The following GRIK4 variants were observed in gnomAD, a reference collection of about 807,000 sequenced individuals.
The protein encoded by GRIK4 is glutamate ionotropic receptor kainate type subunit 4.
A neutral mutation model predicts 104.9 loss-of-function variants in GRIK4; 40 were observed. That is an observed-to-expected ratio of 0.38 (90% CI 0.30 to 0.50). The LOEUF (loss-of-function observed/expected upper bound fraction) is 0.50. Ranked by LOEUF, GRIK4 falls within the 20% of genes least tolerant of loss-of-function variation. The probability of loss-of-function intolerance (pLI) is 0.93; values close to 1 mark genes in which losing one functional copy is unlikely to be tolerated. For synonymous variants in GRIK4, 485 were observed against 524.9 expected (o/e 0.92, Z 1.04); for missense variants, 1,047 against 1,308.1 (o/e 0.80, Z 3.08).
In GRIK4 at chr11:120,906,688, C is replaced by T. The variant is rs1942874007; in HGVS notation, c.1476+1195C>T. Among the ~76,000 whole-genome samples the T allele has an allele frequency of 2.0e-5, 3 of 152,270 alleles. No homozygotes were observed. In the South Asian group the frequency reaches 6.2e-4, roughly 32 times the overall value. On this transcript the variant is annotated intron_variant, in intron 13 of 20. Coordinates refer to ENST00000527524, the MANE Select transcript of GRIK4 (RefSeq NM_014619.5). ...GAGGTATTAAATAAGCAGTCCTTGA[C>T]AAGGGATTGGGAAAAGTCCTATGTA...
At chr11:120,781,744 G>C (rs1003736549) in intron 3 of GRIK4, among the ~76,000 whole-genome samples, 5 of 152,174 alleles carry the variant, frequency 3.3e-5, no homozygotes, top group Admixed American at 6.5e-5. Flanking sequence ...CAGTGCGTGA[G>C]GGTGGTCTCT....
At chr11:120,796,117 G>A (rs1952509117) in intron 3 of GRIK4, among the ~76,000 whole-genome samples, 1 of 149,226 alleles carries the variant, frequency 6.7e-6, no homozygotes, top group African/African-American at 2.5e-5. Flanking sequence ...CTCACTGCAG[G>A]CTCTGCCTCC....
intron 1 of GRIK4, among the ~76,000 whole-genome samples, chr11:120,554,447 C>T (rs1321084999): frequency 6.6e-6 from 1 of 152,192 alleles, no homozygotes; most frequent in East Asian, 1.9e-4. Context: ...AGGTGTTTTC[C>T]TGGGACTTTC....
At position 120,787,852 on chromosome 11, in the gene GRIK4, C is replaced by CTTTTTTTTTTTTTTTTTTT. The variant is rs58523604; in HGVS notation, c.83-14830_83-14812dup. ...TTTCTTCTCTTTTTTCTTTTCTTTTCTTTTTTTTTTTTTTTTTTTTTTTTT... is the reference window on the plus strand; with the variant it reads ...TTTCTTCTCTTTTTTCTTTTCTTTTCTTTTTTTTTTTTTTTTTTTTTTTTTTTTTTTTTTTTTTTTTTTT... On this transcript the variant is annotated intron_variant, in intron 3 of 20. Coordinates refer to ENST00000527524, the MANE Select transcript of GRIK4 (RefSeq NM_014619.5). Among the ~76,000 whole-genome samples, 417 of 77,092 alleles carry CTTTTTTTTTTTTTTTTTTT rather than the reference C, an allele frequency of 5.4e-3. 39 individuals are homozygous for CTTTTTTTTTTTTTTTTTTT. The highest frequency in any genetic ancestry group is 6.2e-3 in the Non-Finnish European group (268 of 43,546). 50.6% of individuals were successfully genotyped at this position (77,092 alleles called of 152,430 possible).
chr11:120,954,551 A>C (rs1346201770), intron 15 of GRIK4, among the ~76,000 whole-genome samples: 1 of 151,924 alleles, frequency 6.6e-6, no homozygotes, highest in African/African-American at 2.4e-5. Flanking sequence ...ATGCCACAAC[A>C]CTCAGGTCAC....
At chr11:120,788,861 G>T (rs1045400604) in intron 3 of GRIK4, among the ~76,000 whole-genome samples, 3 of 151,134 alleles carry the variant, frequency 2.0e-5, no homozygotes, top group African/African-American at 7.3e-5. Context: ...CTTCTCGGCC[G>T]CTCCTCCACC....
chr11:120,795,925 T>A (rs151273531), intron 3 of GRIK4, among the ~76,000 whole-genome samples: 84 of 152,338 alleles, frequency 5.5e-4, no homozygotes, highest in African/African-American at 1.9e-3. Context: ...ATCTCTAGAT[T>A]ACTTCTTTAC....
At chr11:120,664,936 C>G (rs1949885067) in intron 3 of GRIK4, among the ~76,000 whole-genome samples, 1 of 152,000 alleles carries the variant, frequency 6.6e-6, no homozygotes, top group South Asian at 2.1e-4. Context: ...TAAGGTTTCC[C>G]TGTGTGGTAA....
chr11:120,892,886 A>G lies in GRIK4; in HGVS notation c.1165-5646A>G, dbSNP rs78858619. On this transcript the variant is annotated intron_variant, in intron 11 of 20. Transcript: ENST00000527524. The stretch of plus-strand genomic sequence containing the variant: ...TTCAAGCTTGGTCCCTGGCTGCTCT[A>G]CCCAGGGGTCCTAGAAAGACAGAGG... Among the ~76,000 whole-genome samples the G allele has an allele frequency of 1.9e-3, 296 of 152,248 alleles. 1 individual carries two copies. Among genetic ancestry groups the G allele is most frequent in the African/African-American group, 6.9e-3 (285 of 41,542 alleles).
At chr11:120,780,908 A>AT (rs1476263784) in intron 3 of GRIK4, among the ~76,000 whole-genome samples, 4 of 151,646 alleles carry the variant, frequency 2.6e-5, no homozygotes, top group Non-Finnish European at 4.4e-5. Context: ...CGCCTGGCTA[A>AT]TTTTTTTGCA....
intron 3 of GRIK4, among the ~76,000 whole-genome samples, chr11:120,723,570 A>T (rs56129109): frequency 6.6e-6 from 1 of 152,140 alleles, no homozygotes; most frequent in Non-Finnish European, 1.5e-5. Context: ...AAGGTCACAC[A>T]GATGTACCCA....
intron 3 of GRIK4, among the ~76,000 whole-genome samples, chr11:120,801,623 C>T (rs1952622840): frequency 6.6e-6 from 1 of 152,078 alleles, no homozygotes; most frequent in African/African-American, 2.4e-5. Context: ...ATGGGTAAAC[C>T]ACATTTTTTT....
chr11:120,850,436 A>G (rs533752563), intron 8 of GRIK4, among the ~76,000 whole-genome samples: 1 of 152,148 alleles, frequency 6.6e-6, no homozygotes, highest in East Asian at 1.9e-4. Flanking sequence ...AATGGTATAC[A>G]AGGAGAGATC....
At chr11:120,675,077 T>G (rs1950077545) in intron 3 of GRIK4, among the ~76,000 whole-genome samples, 1 of 152,252 alleles carries the variant, frequency 6.6e-6, no homozygotes, top group African/African-American at 2.4e-5. Flanking sequence ...CTAAAGGAAT[T>G]AAGTTTGCTA....
rs769431456 is a variant in GRIK4, at chr11:120,819,889, C to T, written c.480C>T (p.Thr160=). ...GGATCCTGAACTTCTTCAACTGCAC[C>T]ACCGCCTGCCTCATCTGTGCCAAAG... ...VAGILNFFNC[T]TACLICAKAE... is the part of the protein sequence containing the mutation. The change falls in exon 6 of 21, where the codon ACC becomes ACT. Residue 160 remains threonine, a synonymous_variant. Coordinates refer to ENST00000527524, the MANE Select transcript of GRIK4 (RefSeq NM_014619.5). The surrounding 1 kb of genome is among the most constrained non-coding windows in gnomAD (Gnocchi z 4.3). 13 of 1,614,068 alleles carry T rather than the reference C, an allele frequency of 8.1e-6. No individual in the cohort carries two copies. Among genetic ancestry groups the T allele is most frequent in the South Asian group, 1.1e-5 (1 of 91,064 alleles).
chr11:120,617,832 T>C (rs1031348060), intron 1 of GRIK4, among the ~76,000 whole-genome samples: 1 of 152,230 alleles, frequency 6.6e-6, no homozygotes, highest in Non-Finnish European at 1.5e-5. Flanking sequence ...CTTGCAGAAT[T>C]GTGAGCCAGT....
At chr11:120,818,414 G>A (rs145042948) in intron 5 of GRIK4, among the ~76,000 whole-genome samples, 8 of 152,330 alleles carry the variant, frequency 5.3e-5, no homozygotes, top group Admixed American at 1.3e-4. Flanking sequence ...AGAAAGATCC[G>A]TTATGACACA....
chr11:120,635,985 T>C (rs1346817322), intron 1 of GRIK4, among the ~76,000 whole-genome samples: 1 of 152,172 alleles, frequency 6.6e-6, no homozygotes, highest in African/African-American at 2.4e-5. Flanking sequence ...TAGATAACGT[T>C]TTGCCTCTTT....
intron 11 of GRIK4, among the ~76,000 whole-genome samples, chr11:120,888,303 A>T (rs1246685302): frequency 5.3e-5 from 8 of 152,064 alleles, no homozygotes; most frequent in African/African-American, 1.9e-4. Context: ...CCTGGGTTTG[A>T]ATCTGCATTA....
Sources: gnomAD v4.1 joint callset for allele counts (sites outside exome capture counted in the v4.1 genomes callset) on GRCh38, gnomAD v4.1.1 for gene constraint, Gnocchi (gnomAD v3.1) non-coding constraint, MANE v1.5 for transcripts, NCBI Gene and HGNC (gene_info 2026-07-23, HGNC 2026-07-21) for gene names.